The following AGTRAP variants were observed in gnomAD, a reference collection of about 807,000 sequenced individuals.
The protein encoded by AGTRAP is angiotensin II receptor associated protein.
Under a neutral mutation model 15.2 loss-of-function variants are expected in AGTRAP, and 7 were observed. The ratio of observed to expected loss-of-function variants is 0.46; its 90% CI spans 0.26 to 0.87. The LOEUF (loss-of-function observed/expected upper bound fraction) is 0.87. Ranked by LOEUF, AGTRAP falls within the 40% of genes least tolerant of loss-of-function variation. The probability of loss-of-function intolerance (pLI) is 0.15; values close to 1 mark genes in which losing one functional copy is unlikely to be tolerated. For synonymous variants in AGTRAP, 74 were observed against 89.6 expected, an observed-to-expected ratio of 0.83 and a Z score of 0.98; for missense variants, 187 against 213.4, an observed-to-expected ratio of 0.88 and a Z score of 0.77.
chr1:11,738,321 C>T (rs1441864936), intron 1 of AGTRAP, among the ~76,000 whole-genome samples: 1 of 152,148 alleles, frequency 6.6e-6, no homozygotes, highest in Non-Finnish European at 1.5e-5. Context: ...TGCCCCAGGC[C>T]CTTTGCACAA....
chr1:11,747,629 T>C, intron 3 of AGTRAP, 84 bp downstream of exon 3: 1 of 1,371,904 alleles, frequency 7.3e-7, no homozygotes, highest in Non-Finnish European at 1.0e-6. Flanking sequence ...CCCCGTCCCA[T>C]CCCAATCTTC....
Position 11,745,932 on chromosome 1 carries a change from C to A in AGTRAP, c.62+95C>A. On this transcript the variant is annotated intron_variant, in intron 2 of 4. Coordinates refer to ENST00000314340, the MANE Select transcript of AGTRAP (RefSeq NM_020350.5). This position sits in a 1 kb window ranked among gnomAD's most constrained non-coding sequence, Gnocchi z 4.2. ...TGGTTCTGCCGTGTTTTAACCAGGT[C>A]ACTTTGGGCCAGACAGCTCTGCCTC... The A allele has an allele frequency of 6.6e-7, 1 of 1,522,084 alleles. No individual in the cohort carries two copies. Among genetic ancestry groups the A allele is most frequent in the South Asian group, 1.1e-5 (1 of 88,954 alleles). The allele number at this position is 1,522,084 out of a possible 1,614,324, so 94.3% of individuals were successfully genotyped here. A position where few individuals can be genotyped will look rare whatever the true frequency, so the allele number is the denominator to read the frequency against.
At chr1:11,739,493 A>G (rs1641974864) in intron 1 of AGTRAP, among the ~76,000 whole-genome samples, 1 of 152,174 alleles carries the variant, frequency 6.6e-6, no homozygotes, top group South Asian at 2.1e-4. Flanking sequence ...CAGAGGTTGC[A>G]GTGAGCCGAG....
In AGTRAP at chr1:11,745,902, G is replaced by C; in HGVS notation, c.62+65G>C. The C allele has an allele frequency of 6.3e-7, 1 of 1,599,800 alleles. No individual in the cohort carries two copies. The highest frequency in any genetic ancestry group is 1.1e-5 in the South Asian group (1 of 90,772). ...CTCAGGGTCTGTGTCAGCCGGGTCA[G>C]GTCCTGGTTCTGCCGTGTTTTAACC... On this transcript the variant is annotated intron_variant, in intron 2 of 4. Coordinates refer to ENST00000314340, the MANE Select transcript of AGTRAP (RefSeq NM_020350.5). The surrounding 1 kb of genome is among the most constrained non-coding windows in gnomAD (Gnocchi z 4.2).
intron 4 of AGTRAP, among the ~76,000 whole-genome samples, chr1:11,749,366 G>A (rs1642256827): frequency 6.6e-6 from 1 of 152,242 alleles, no homozygotes; most frequent in African/African-American, 2.4e-5. Context: ...AGCTGGTTGA[G>A]GGTGGGAATG....
At chr1:11,737,129 T>C (rs12095517) in intron 1 of AGTRAP, among the ~76,000 whole-genome samples, 99,359 of 152,144 alleles carry the variant, frequency 0.65, 32,849 homozygotes, top group African/African-American at 0.73. Context: ...GAGAAATAGA[T>C]GGTTACAAAA....
At chr1:11,740,984 C>T (rs1642017150) in intron 1 of AGTRAP, among the ~76,000 whole-genome samples, 1 of 152,080 alleles carries the variant, frequency 6.6e-6, no homozygotes. Context: ...GGTTTACTAT[C>T]AGATGGAGGG....
intron 1 of AGTRAP, among the ~76,000 whole-genome samples, chr1:11,736,752 A>G (rs949013982): frequency 5.3e-5 from 8 of 152,268 alleles, no homozygotes; most frequent in Non-Finnish European, 1.5e-5. Context: ...CTTATTTCAT[A>G]ATCAAGAAGC....
Position 11,750,123 on chromosome 1 carries a change from C to T in AGTRAP, c.411C>T (p.Asp137=), listed in dbSNP as rs755420270. 6.2e-7 allele frequency: 1 copy of T among 1,613,994 alleles called. No homozygotes were observed. Among genetic ancestry groups the T allele is most frequent in the African/African-American group, 1.3e-5 (1 of 74,928 alleles). ...SQDRSAYQTI[D]SAEAPADPFA... ...ACCGTAGTGCCTACCAGACGATTGACTCAGCAGAGGCGCCCGCAGATCCCT... is the reference window on the plus strand; with the variant it reads ...ACCGTAGTGCCTACCAGACGATTGATTCAGCAGAGGCGCCCGCAGATCCCT... The change falls in exon 5 of 5, where the codon GAC becomes GAT. Residue 137 remains aspartate, a synonymous_variant. Coordinates refer to ENST00000314340, the MANE Select transcript of AGTRAP (RefSeq NM_020350.5).
intron 1 of AGTRAP, among the ~76,000 whole-genome samples, chr1:11,738,156 G>A (rs998146349): frequency 6.6e-6 from 1 of 152,196 alleles, no homozygotes; most frequent in Non-Finnish European, 1.5e-5. Flanking sequence ...GGGATGTTCT[G>A]AGTTCAGAGC....
At chr1:11,740,592 G>A (rs570370448) in intron 1 of AGTRAP, among the ~76,000 whole-genome samples, 32 of 152,254 alleles carry the variant, frequency 2.1e-4, no homozygotes, top group Non-Finnish European at 3.7e-4. Context: ...CCCTTCCAGC[G>A]CTAGGAAAAG....
At chr1:11,749,985 G>T in intron 4 of AGTRAP, 92 bp from the exon 5 acceptor site, 2 of 955,572 alleles carry the variant, frequency 2.1e-6, no homozygotes, top group South Asian at 1.4e-5. Context: ...CCAGCCCGAG[G>T]GTGGCGGGGG....
At chr1:11,746,181 T>G (rs1170567562) in intron 2 of AGTRAP, 1 of 1,613,522 alleles carries the variant, frequency 6.2e-7, no homozygotes. Context: ...AGCTCACCTG[T>G]GCACTTTGCA....
chr1:11,749,104 C>T (rs17875954), intron 4 of AGTRAP, among the ~76,000 whole-genome samples: 20,452 of 151,984 alleles, frequency 0.13, 1,563 homozygotes, highest in Non-Finnish European at 0.15. Context: ...TGAAGACAGC[C>T]CTGAACAGGG....
Position 11,746,937 on chromosome 1 carries a change from G to A in AGTRAP, c.63-503G>A, listed in dbSNP as rs116646835. 5.4e-3 allele frequency among the ~76,000 whole-genome samples: 826 copies of A among 152,252 alleles called. 8 individuals are homozygous for A. Among genetic ancestry groups the A allele is most frequent in the African/African-American group, 0.019 (784 of 41,538 alleles). On this transcript the variant is annotated intron_variant, in intron 2 of 4. Transcript: ENST00000314340. ...CGGTGGGCAAGGGAAGGAGTCTCAG[G>A]GTGAACATTCGAGTCTCAGGGTGAA...
At chr1:11,748,757 C>A in intron 4 of AGTRAP, 147 bp downstream of exon 4, 1 of 950,632 alleles carries the variant, frequency 1.1e-6, no homozygotes, top group Non-Finnish European at 1.5e-6. Context: ...CTGTACTAGG[C>A]TGGACAGGTC....
intron 1 of AGTRAP, among the ~76,000 whole-genome samples, chr1:11,740,831 G>A (rs1346035751): frequency 6.6e-6 from 1 of 152,162 alleles, no homozygotes; most frequent in African/African-American, 2.4e-5. Flanking sequence ...GTTAGGTGTC[G>A]ATTTTGGGGA....
Position 11,750,257 on chromosome 1 carries a change from A to T in AGTRAP, c.*65A>T. The T allele has an allele frequency of 7.6e-7, 1 of 1,324,180 alleles. No individual in the cohort carries two copies. The highest frequency in any genetic ancestry group is 1.1e-6 in the Non-Finnish European group (1 of 936,230). The allele number at this position is 1,324,180 out of a possible 1,614,324, so 82.0% of individuals were successfully genotyped here. On this transcript the variant is annotated 3_prime_UTR_variant, in exon 5 of 5. Transcript: ENST00000314340. ...TCGTGCCTGGGAGGTCGTTCTAGGG[A>T]TGCTCCTGACCTCCGTCTCTTGGAC... is the stretch of plus-strand genomic sequence containing the variant.
At chr1:11,746,901 G>T (rs775335272) in intron 2 of AGTRAP, among the ~76,000 whole-genome samples, 3 of 152,162 alleles carry the variant, frequency 2.0e-5, no homozygotes, top group Non-Finnish European at 4.4e-5. Context: ...TGACGAACTT[G>T]TACTTAGCAC....
Sources: gnomAD v4.1 joint callset for allele counts (sites outside exome capture counted in the v4.1 genomes callset) on GRCh38, gnomAD v4.1.1 for gene constraint, Gnocchi (gnomAD v3.1) non-coding constraint, MANE v1.5 for transcripts, NCBI Gene and HGNC (gene_info 2026-07-23, HGNC 2026-07-21) for gene names.